FNDC3A: variants seen among roughly 807,000 people sequenced by gnomAD.
The protein encoded by FNDC3A is fibronectin type III domain containing 3A.
FNDC3A carries 32 observed loss-of-function variants against 148.9 expected under a neutral mutation model. That is an observed-to-expected ratio of 0.21 (90% CI 0.16 to 0.29). FNDC3A has a LOEUF of 0.29. FNDC3A is among the 10% of genes least tolerant of loss of function. FNDC3A has a pLI of 1.00. For missense variants in FNDC3A, 1,191 were observed against 1,452.8 expected (o/e 0.82, Z 2.93); for synonymous variants, 472 against 473.6 (o/e 1.00, Z 0.04).
chr13:48,979,616 G>C (rs1323353880), intron 1 of FNDC3A, among the ~76,000 whole-genome samples: 1 of 152,116 alleles, frequency 6.6e-6, no homozygotes, highest in Admixed American at 6.5e-5. Flanking sequence ...AAGACAGTTT[G>C]TATCATTAGG....
At chr13:49,188,725 T>C (rs1181483982) in intron 17 of FNDC3A, 92 bp downstream of exon 17, 1 of 792,170 alleles carries the variant, frequency 1.3e-6, no homozygotes, top group Non-Finnish European at 2.2e-6. Flanking sequence ...TTGAAACATA[T>C]CCACAAATGG....
chr13:49,019,928 A>G (rs1416586041), intron 2 of FNDC3A, among the ~76,000 whole-genome samples: 1 of 152,236 alleles, frequency 6.6e-6, no homozygotes, highest in African/African-American at 2.4e-5. Context: ...TAACTTGTTC[A>G]GTGAAATCTT....
At chr13:49,069,782 C>T (rs951149161) in intron 2 of FNDC3A, among the ~76,000 whole-genome samples, 3 of 152,100 alleles carry the variant, frequency 2.0e-5, no homozygotes, top group Non-Finnish European at 4.4e-5. Flanking sequence ...TTGAGGTACA[C>T]CATCAGAAAT....
At chr13:49,146,075 A>G (rs998206293) in intron 8 of FNDC3A, 140 bp downstream of exon 8, 2 of 606,838 alleles carry the variant, frequency 3.3e-6, no homozygotes, top group Non-Finnish European at 2.8e-6. Flanking sequence ...AGTGATTTCA[A>G]TGTAAATGGT....
chr13:49,193,489 C>T lies in FNDC3A; in HGVS notation c.2226+2105C>T, dbSNP rs371176094. Among the ~76,000 whole-genome samples, 5 of 152,200 alleles carry T rather than the reference C, an allele frequency of 3.3e-5. No individual in the cohort carries two copies. In the South Asian group the frequency reaches 1.0e-3, roughly 32 times the overall value. ...GTTTCCCAGGTTGGTCTCAAACTCT[C>T]GGGCTCAAGTGATTCCCCCACCTTA... On this transcript the variant is annotated intron_variant, in intron 19 of 25. Transcript: ENST00000492622.
At chr13:49,175,882 G>A (rs370161295) in intron 13 of FNDC3A, among the ~76,000 whole-genome samples, 3 of 152,230 alleles carry the variant, frequency 2.0e-5, no homozygotes, top group African/African-American at 7.2e-5. Flanking sequence ...TCAGTACCTA[G>A]TTTATTGAGA....
At chr13:49,137,179 A>C (rs986910625) in intron 6 of FNDC3A, among the ~76,000 whole-genome samples, 23 of 152,116 alleles carry the variant, frequency 1.5e-4, no homozygotes, top group African/African-American at 5.3e-4. Context: ...CCTTGATAGC[A>C]AATAGTTATA....
chr13:49,064,401 G>GCC lies in FNDC3A; in HGVS notation c.100-10879_100-10878dup, dbSNP rs58870053. ...GATAAATATAGAAATATTGCCCCCCGCCCCCCCCCCAAAAAAAAAACAACA... is the reference window on the plus strand; with the variant it reads ...GATAAATATAGAAATATTGCCCCCCGCCCCCCCCCCCCAAAAAAAAAACAACA... On this transcript the variant is annotated intron_variant, in intron 2 of 25. Coordinates refer to ENST00000492622, the MANE Select transcript of FNDC3A (RefSeq NM_001079673.2). Among the ~76,000 whole-genome samples the GCC allele has an allele frequency of 7.2e-3, 435 of 60,790 alleles. 6 individuals carry two copies. Among genetic ancestry groups the GCC allele is most frequent in the African/African-American group, 0.015 (276 of 17,974 alleles). The allele number at this position is 60,790 out of a possible 152,430, so 39.9% of individuals were successfully genotyped here. A position where few individuals can be genotyped will look rare whatever the true frequency, so the allele number is the denominator to read the frequency against.
intron 8 of FNDC3A, among the ~76,000 whole-genome samples, chr13:49,153,204 T>C (rs1260176584): frequency 6.6e-6 from 1 of 150,944 alleles, no homozygotes; most frequent in African/African-American, 2.4e-5. Context: ...TTTTAATGAT[T>C]GCCATTCTAA....
chr13:49,175,610 G>C (rs1884989519), intron 13 of FNDC3A, 69 bp downstream of exon 13: 9 of 1,022,386 alleles, frequency 8.8e-6, no homozygotes, highest in Non-Finnish European at 1.3e-5. Context: ...TTTGGGCTGA[G>C]ACGATGGCAT....
At chr13:49,062,380 C>T (rs768991274) in intron 2 of FNDC3A, among the ~76,000 whole-genome samples, 3 of 152,054 alleles carry the variant, frequency 2.0e-5, no homozygotes, top group Non-Finnish European at 4.4e-5. Context: ...AATAGTGTTG[C>T]CTGAAGGTTA....
chr13:48,995,582 TATAA>T (rs1293375239), intron 1 of FNDC3A, among the ~76,000 whole-genome samples: 3 of 152,164 alleles, frequency 2.0e-5, no homozygotes, highest in Admixed American at 6.5e-5. Context: ...ACATTTCTAT[TATAA>T]ATATAGAAGA....
At chr13:49,030,246 A>C (rs145652577) in intron 2 of FNDC3A, among the ~76,000 whole-genome samples, 2 of 152,346 alleles carry the variant, frequency 1.3e-5, no homozygotes, top group African/African-American at 4.8e-5. Flanking sequence ...TTCAACATAC[A>C]TAGAACAATC....
At chr13:49,031,827 C>T (rs1045206981) in intron 2 of FNDC3A, among the ~76,000 whole-genome samples, 1 of 151,928 alleles carries the variant, frequency 6.6e-6, no homozygotes, top group Non-Finnish European at 1.5e-5. Flanking sequence ...TTTTGTGTTA[C>T]TATCAGGAAA....
At chr13:49,081,462 T>C (rs1878464836) in intron 3 of FNDC3A, among the ~76,000 whole-genome samples, 1 of 152,256 alleles carries the variant, frequency 6.6e-6, no homozygotes, top group South Asian at 2.1e-4. Context: ...TGCCACTTAC[T>C]ATTGTATCAG....
At chr13:49,016,981 G>T (rs1328810971) in intron 2 of FNDC3A, among the ~76,000 whole-genome samples, 4 of 151,526 alleles carry the variant, frequency 2.6e-5, no homozygotes, top group South Asian at 2.1e-4. Context: ...TTGTTATAAT[G>T]TCTGTTCTTT....
intron 4 of FNDC3A, among the ~76,000 whole-genome samples, chr13:49,119,977 GA>G (rs1461193950): frequency 1.3e-5 from 2 of 152,100 alleles, no homozygotes; most frequent in African/African-American, 4.8e-5. Context: ...TCAAATTCAG[GA>G]AATACAGAGA....
chr13:49,045,805 T>A (rs992560425), intron 2 of FNDC3A: 1 of 456,690 alleles, frequency 2.2e-6, no homozygotes, highest in Non-Finnish European at 3.9e-6. Context: ...TTTTTTTTTT[T>A]TTTTCGTTGT....
chr13:49,172,600 G>A (rs538376367), intron 11 of FNDC3A, among the ~76,000 whole-genome samples: 2 of 152,198 alleles, frequency 1.3e-5, no homozygotes, highest in Admixed American at 6.5e-5. Context: ...ATCACATTGC[G>A]TTTTCTCCCC....
Sources: gnomAD v4.1 joint callset for allele counts (sites outside exome capture counted in the v4.1 genomes callset) on GRCh38, gnomAD v4.1.1 for gene constraint, MANE v1.5 for transcripts, NCBI Gene and HGNC (gene_info 2026-07-23, HGNC 2026-07-21) for gene names.